Variants in SH3KBP1 observed in about 807,000 individuals in gnomAD.
SH3KBP1 encodes the protein SH3 domain-containing kinase-binding protein 1.
A neutral mutation model predicts 50.1 loss-of-function variants in SH3KBP1; 8 were observed. The ratio of observed to expected loss-of-function variants is 0.16; its 90% CI spans 0.09 to 0.29. The LOEUF (loss-of-function observed/expected upper bound fraction) is 0.29, where lower values mean the gene tolerates loss of function less well. SH3KBP1 is among the 10% of genes least tolerant of loss of function. The pLI, the probability that SH3KBP1 is intolerant of heterozygous loss-of-function variation, is 1.00. For missense variants in SH3KBP1, 377 were observed against 535.2 expected (o/e 0.70, Z 2.92); for synonymous variants, 227 against 218.6 (o/e 1.04, Z -0.34).
chrX:19,750,865 T>G (rs1004300533), intron 2 of SH3KBP1, among the ~76,000 whole-genome samples: 4 of 111,846 alleles, frequency 3.6e-5, no homozygotes, highest in Admixed American at 2.8e-4. Flanking sequence ...ACATATATTT[T>G]TATACATAAG....
intron 12 of SH3KBP1, among the ~76,000 whole-genome samples, chrX:19,580,291 C>T (rs1282902387): frequency 8.9e-6 from 1 of 111,791 alleles, no homozygotes; most frequent in African/African-American, 3.3e-5. Context: ...TACACACACA[C>T]AAATTTTCTT....
At chrX:19,827,758 G>C (rs1205771836) in intron 2 of SH3KBP1, among the ~76,000 whole-genome samples, 1 of 96,469 alleles carries the variant, frequency 1.0e-5, no homozygotes, top group Admixed American at 1.1e-4. Flanking sequence ...TTAGGTAGCA[G>C]TCTGAGGTCC....
At chrX:19,802,878 C>T (rs1463675570) in intron 2 of SH3KBP1, among the ~76,000 whole-genome samples, 1 of 111,605 alleles carries the variant, frequency 9.0e-6, no homozygotes, top group Non-Finnish European at 1.9e-5. Context: ...TCAACAGATG[C>T]CCACTGGACT....
At chrX:19,687,126 G>A (rs764416548) in intron 5 of SH3KBP1, among the ~76,000 whole-genome samples, 6 of 112,819 alleles carry the variant, frequency 5.3e-5, no homozygotes, top group Non-Finnish European at 9.4e-5. Flanking sequence ...TTGGCTGAGT[G>A]AGCAAAGCAA....
In SH3KBP1 at chrX:19,594,973, C is replaced by T. The variant is rs41311799; in HGVS notation, c.1033G>A (p.Ala345Thr). ...NRPKKPPPPS[A>T]PVIKQGAGTT... ...CCTGCCCCTTGTTTGATGACAGGAG[C>T]GGATGGAGGCGGTGGCTTCTTGGGT... The change falls in exon 10 of 18, where the codon GCT becomes ACT. Residue 345 changes from alanine to threonine, a missense_variant. By Grantham distance (58) the Ala-to-Thr change is moderately conservative (BLOSUM62 0). Transcript: ENST00000397821. The T allele has an allele frequency of 2.2e-5, 27 of 1,200,530 alleles. No homozygotes were observed. The highest frequency in any genetic ancestry group is 1.3e-4 in the Admixed American group (6 of 45,620).
intron 6 of SH3KBP1, among the ~76,000 whole-genome samples, chrX:19,647,235 T>A (rs910135254): frequency 9.5e-6 from 1 of 105,716 alleles, no homozygotes; most frequent in African/African-American, 3.5e-5. Flanking sequence ...GGAAAGGCAA[T>A]AGTAAACACT....
At chrX:19,728,905 C>T (rs1377645235) in intron 3 of SH3KBP1, among the ~76,000 whole-genome samples, 2 of 112,261 alleles carry the variant, frequency 1.8e-5, no homozygotes, top group East Asian at 5.5e-4. Flanking sequence ...AGAAACTTCT[C>T]AACCTTTCAA....
chrX:19,545,555 C>A (rs1335700290), intron 15 of SH3KBP1, among the ~76,000 whole-genome samples: 1 of 112,022 alleles, frequency 8.9e-6, no homozygotes, highest in Non-Finnish European at 1.9e-5. Context: ...GATCTGTGGG[C>A]AGAGGGCACA....
chrX:19,722,563 C>T (rs983008391), intron 3 of SH3KBP1, among the ~76,000 whole-genome samples: 12 of 93,734 alleles, frequency 1.3e-4, no homozygotes, highest in South Asian at 5.3e-4. Flanking sequence ...TGTGCGCGTG[C>T]GCACTGGTGT....
At chrX:19,664,973 C>T (rs1482050148) in intron 6 of SH3KBP1, among the ~76,000 whole-genome samples, 1 of 112,058 alleles carries the variant, frequency 8.9e-6, no homozygotes, top group Non-Finnish European at 1.9e-5. Context: ...GACAGTTTTG[C>T]ACGACTCTAG....
intron 5 of SH3KBP1, among the ~76,000 whole-genome samples, chrX:19,693,597 T>C (rs750582142): frequency 6.3e-5 from 7 of 111,450 alleles, no homozygotes; most frequent in Admixed American, 5.7e-4. Flanking sequence ...AGTAAGTGTG[T>C]TGGGGGGAAC....
At chrX:19,786,265 C>A (rs1424928175) in intron 2 of SH3KBP1, among the ~76,000 whole-genome samples, 2 of 110,910 alleles carry the variant, frequency 1.8e-5, no homozygotes, top group Admixed American at 1.9e-4. Flanking sequence ...AATGGCATTG[C>A]CTTCAAAATA....
At chrX:19,650,096 CAG>C (rs1049499276) in intron 6 of SH3KBP1, among the ~76,000 whole-genome samples, 4 of 110,121 alleles carry the variant, frequency 3.6e-5, no homozygotes, top group African/African-American at 3.3e-5. Flanking sequence ...GTAGTGGGAG[CAG>C]AGAGAGAGAG....
chrX:19,812,606 A>G (rs1372200248), intron 2 of SH3KBP1, among the ~76,000 whole-genome samples: 1 of 101,237 alleles, frequency 9.9e-6, no homozygotes, highest in East Asian at 3.2e-4. Flanking sequence ...AGGCAGGAGG[A>G]TTGCTTGAGC....
chrX:19,572,354 AT>A (rs2066050135), intron 12 of SH3KBP1, among the ~76,000 whole-genome samples: 1 of 100,100 alleles, frequency 1.0e-5, no homozygotes, highest in East Asian at 2.9e-4. Context: ...GTACATATAT[AT>A]GTATATATAG....
chrX:19,688,900 AC>A (rs1275203566), intron 5 of SH3KBP1, among the ~76,000 whole-genome samples: 4 of 111,451 alleles, frequency 3.6e-5, no homozygotes, highest in Non-Finnish European at 7.5e-5. Context: ...AACTTGTCTC[AC>A]TTCTTAGAAA....
chrX:19,753,811 T>C (rs1416104433), intron 2 of SH3KBP1, among the ~76,000 whole-genome samples: 1 of 112,245 alleles, frequency 8.9e-6, no homozygotes, highest in African/African-American at 3.2e-5. Context: ...AAAGTAAATA[T>C]GGCAAAATAT....
intron 2 of SH3KBP1, among the ~76,000 whole-genome samples, chrX:19,832,298 G>A (rs1281281706): frequency 8.9e-6 from 1 of 111,819 alleles, no homozygotes; most frequent in Non-Finnish European, 1.9e-5. Context: ...CAGCACTGTG[G>A]CACACTCACT....
intron 6 of SH3KBP1, among the ~76,000 whole-genome samples, chrX:19,658,340 A>G (rs2062348119): frequency 8.9e-6 from 1 of 111,881 alleles, no homozygotes; most frequent in African/African-American, 3.3e-5. Context: ...GCTCTGAAAG[A>G]TAACCTACTG....
Sources: gnomAD v4.1 joint callset for allele counts (sites outside exome capture counted in the v4.1 genomes callset) on GRCh38, gnomAD v4.1.1 for gene constraint, MANE v1.5 for transcripts, NCBI Gene and HGNC (gene_info 2026-07-23, HGNC 2026-07-21) for gene names.